Variants in PCSK5 observed in about 807,000 individuals in gnomAD.
PCSK5 encodes prohormone convertase 5.
In PCSK5, 129 loss-of-function variants were observed where a neutral mutation model predicts 233.2. That is an observed-to-expected ratio of 0.55 (90% CI 0.48 to 0.64). PCSK5 has a LOEUF of 0.64. Among genes scored for constraint, PCSK5 ranks in the 30% least tolerant of loss-of-function variants. The pLI is 0.00. For synonymous variants in PCSK5, 825 were observed against 879.2 expected, an observed-to-expected ratio of 0.94 and a Z score of 1.09; for missense variants, 2,076 against 2,430.1, an observed-to-expected ratio of 0.85 and a Z score of 3.06.
intron 5 of PCSK5, among the ~76,000 whole-genome samples, chr9:76,064,239 C>G (rs1345134196): frequency 8.9e-6 from 1 of 112,420 alleles, no homozygotes; most frequent in Non-Finnish European, 1.8e-5. Flanking sequence ...GGGGCTGACC[C>G]CCCCATCTCC....
intron 20 of PCSK5, among the ~76,000 whole-genome samples, chr9:76,215,527 C>G (rs1040346667): frequency 2.0e-5 from 3 of 152,144 alleles, no homozygotes; most frequent in African/African-American, 7.2e-5. Context: ...AGAGATGCTG[C>G]TAAAGAGGCC....
chr9:76,204,583 G>C (rs548013093), intron 20 of PCSK5, among the ~76,000 whole-genome samples: 31 of 151,756 alleles, frequency 2.0e-4, no homozygotes, highest in African/African-American at 7.3e-4. Context: ...GTTCCCTAAG[G>C]CTAGAGTGCT....
chr9:76,232,290 G>A (rs142148584), intron 21 of PCSK5, among the ~76,000 whole-genome samples: 236 of 152,336 alleles, frequency 1.5e-3, no homozygotes, highest in African/African-American at 5.4e-3. Context: ...CCACTCAGAT[G>A]TCCCAGGCCT....
intron 30 of PCSK5, among the ~76,000 whole-genome samples, chr9:76,318,808 T>G (rs1369987338): frequency 6.6e-6 from 1 of 152,234 alleles, no homozygotes; most frequent in African/African-American, 2.4e-5. Flanking sequence ...TTGGAAATTT[T>G]TATTGTTTAT....
At chr9:76,303,308 G>A (rs1369682113) in intron 28 of PCSK5, among the ~76,000 whole-genome samples, 2 of 152,102 alleles carry the variant, frequency 1.3e-5, no homozygotes, top group East Asian at 3.9e-4. Context: ...CAGATTGCTG[G>A]GATTATAGAC....
chr9:76,235,309 AAAGAAGAAG>A (rs142476252), intron 22 of PCSK5, among the ~76,000 whole-genome samples: 3 of 151,180 alleles, frequency 2.0e-5, no homozygotes, highest in Non-Finnish European at 4.4e-5. Flanking sequence ...CAACAAAAAA[AAAGAAGAAG>A]AAGAAGAAGA....
At chr9:76,315,731 C>T (rs1259002610) in intron 30 of PCSK5, among the ~76,000 whole-genome samples, 1 of 146,836 alleles carries the variant, frequency 6.8e-6, no homozygotes, top group Non-Finnish European at 1.5e-5. Flanking sequence ...CTCCCAGGTT[C>T]AAGCGATTCT....
At chr9:76,047,705 T>C (rs908580930) in intron 5 of PCSK5, among the ~76,000 whole-genome samples, 1 of 152,118 alleles carries the variant, frequency 6.6e-6, no homozygotes, top group Non-Finnish European at 1.5e-5. Context: ...ATGGGATAAA[T>C]GGGCGTTGTG....
At chr9:75,965,302 GAGAA>G (rs1825533302) in intron 2 of PCSK5, among the ~76,000 whole-genome samples, 4 of 151,524 alleles carry the variant, frequency 2.6e-5, no homozygotes, top group Admixed American at 2.0e-4. Context: ...GAGAGAGAGA[GAGAA>G]AGAGAGATAC....
At chr9:75,995,943 A>G (rs1457096193) in intron 3 of PCSK5, among the ~76,000 whole-genome samples, 3 of 152,028 alleles carry the variant, frequency 2.0e-5, no homozygotes, top group African/African-American at 7.2e-5. Flanking sequence ...GTGAAGATCT[A>G]TTTCTACTAT....
In PCSK5 at chr9:76,210,374, C is replaced by T. The variant is rs115426691; in HGVS notation, c.2627-17129C>T. Among the ~76,000 whole-genome samples, 739 of 152,318 alleles carry T rather than the reference C, an allele frequency of 4.9e-3. 5 individuals are homozygous for T. The highest frequency in any genetic ancestry group is 0.017 in the African/African-American group (701 of 41,572). ...AATCTCTGTCATTGGTTGAGGACAA[C>T]TCCCGGGGGTCAGTTCGCTCCCTCT... On this transcript the variant is annotated intron_variant, in intron 20 of 37. Transcript: ENST00000674117.
At chr9:75,993,411 T>C (rs942506687) in intron 3 of PCSK5, among the ~76,000 whole-genome samples, 1 of 152,188 alleles carries the variant, frequency 6.6e-6, no homozygotes, top group African/African-American at 2.4e-5. Context: ...GATAATTTCT[T>C]AAGATCATCC....
intron 5 of PCSK5, among the ~76,000 whole-genome samples, chr9:76,064,389 A>C (rs1164133643): frequency 4.8e-5 from 4 of 82,492 alleles, no homozygotes; most frequent in Admixed American, 1.1e-4. Context: ...CCCGGACGGC[A>C]CGGCTGGCCA....
chr9:76,270,079 T>A (rs1281742640), intron 24 of PCSK5, among the ~76,000 whole-genome samples: 1 of 151,952 alleles, frequency 6.6e-6, no homozygotes, highest in East Asian at 1.9e-4. Context: ...TCTCTTAGAT[T>A]TCTTTCTTCT....
At chr9:76,297,460 A>G (rs116912813) in intron 27 of PCSK5, among the ~76,000 whole-genome samples, 4 of 151,958 alleles carry the variant, frequency 2.6e-5, no homozygotes, top group Admixed American at 2.6e-4. Flanking sequence ...GAGGGAGGAG[A>G]GGGGACAGGT....
intron 5 of PCSK5, among the ~76,000 whole-genome samples, chr9:76,036,625 G>A (rs1828870434): frequency 6.6e-6 from 1 of 152,322 alleles, no homozygotes; most frequent in East Asian, 1.9e-4. Flanking sequence ...TGAGTGCAAT[G>A]TAAACAACTG....
At position 76,052,716 on chromosome 9, in the gene PCSK5, C is replaced by T. The variant is rs550564190; in HGVS notation, c.633-15239C>T. ...AAACCAATTATGCCTTCCCAGCAGT[C>T]CTTCAAAGTCTTAACTCATTTCAGC... is the stretch of plus-strand genomic sequence containing the variant. On this transcript the variant is annotated intron_variant, in intron 5 of 37. Coordinates refer to ENST00000674117, the MANE Select transcript of PCSK5 (RefSeq NM_001372043.1). Among the ~76,000 whole-genome samples, 3 of 152,294 alleles carry T rather than the reference C, an allele frequency of 2.0e-5. No individual in the cohort carries two copies. In the South Asian group the frequency reaches 6.2e-4, roughly 32 times the overall value.
At chr9:75,917,584 G>A (rs1002240028) in intron 1 of PCSK5, among the ~76,000 whole-genome samples, 11 of 152,214 alleles carry the variant, frequency 7.2e-5, no homozygotes, top group African/African-American at 1.4e-4. Flanking sequence ...TTTATAGTCC[G>A]TGGATATCAT....
chr9:76,086,306 T>A (rs1012503855), intron 7 of PCSK5, among the ~76,000 whole-genome samples: 11 of 152,222 alleles, frequency 7.2e-5, no homozygotes, highest in African/African-American at 2.4e-4. Flanking sequence ...AATATACATT[T>A]ATTTTCTTAG....
Sources: allele counts gnomAD v4.1 joint callset (sites outside exome capture counted in the v4.1 genomes callset), GRCh38; gene constraint gnomAD v4.1.1; transcripts MANE v1.5; gene names NCBI Gene and HGNC (gene_info 2026-07-23, HGNC 2026-07-21).